The following CHRM3 variants were observed in gnomAD, a reference collection of about 807,000 sequenced individuals.
CHRM3 encodes the protein muscarinic acetylcholine receptor M3.
CHRM3 carries 11 observed loss-of-function variants against 41.8 expected under a neutral mutation model. That is an observed-to-expected ratio of 0.26 (90% CI 0.17 to 0.44). The LOEUF (loss-of-function observed/expected upper bound fraction) is 0.44, where lower values mean the gene tolerates loss of function less well. CHRM3 is among the 20% of genes least tolerant of loss of function. The pLI, the probability that CHRM3 is intolerant of heterozygous loss-of-function variation, is 1.00. For synonymous variants in CHRM3, 297 were observed against 301.4 expected (o/e 0.99, Z 0.15); for missense variants, 571 against 745.4 (o/e 0.77, Z 2.72).
intron 1 of CHRM3, among the ~76,000 whole-genome samples, chr1:239,476,757 T>A (rs2147974651): frequency 6.6e-6 from 1 of 152,334 alleles, no homozygotes; most frequent in South Asian, 2.1e-4. Flanking sequence ...TTTAAAAGCA[T>A]GTTGATGACA....
At chr1:239,609,170 A>C (rs944874926) in intron 3 of CHRM3, among the ~76,000 whole-genome samples, 1 of 152,160 alleles carries the variant, frequency 6.6e-6, no homozygotes, top group Non-Finnish European at 1.5e-5. Context: ...TCCCATCACC[A>C]GGCAACCATA....
In CHRM3 at chr1:239,909,217, C is replaced by T. The variant is rs201512973; in HGVS notation, c.1766C>T (p.Ala589Val). The change falls in exon 7 of 7, where the codon GCC (alanine) becomes GTC (valine). Residue 589 changes from alanine (A) to valine (V), a missense_variant. This residue lies in a region of CHRM3 where 44 missense variants were observed against 39.7 expected (regional missense o/e 1.11). Coordinates refer to ENST00000676153, the MANE Select transcript of CHRM3 (RefSeq NM_001375978.1). ...TTTCACAAGCGCGCACCCGAGCAGGCCTTGTAGAATGAGGTTGTATCAATA... is the reference window on the plus strand; with the variant it reads ...TTTCACAAGCGCGCACCCGAGCAGGTCTTGTAGAATGAGGTTGTATCAATA... ...VIFHKRAPEQ[A>V]L 6.2e-7 allele frequency: 1 copy of T among 1,602,198 alleles called. No homozygotes were observed. The highest frequency in any genetic ancestry group is 8.5e-7 in the Non-Finnish European group (1 of 1,174,972).
intron 1 of CHRM3, among the ~76,000 whole-genome samples, chr1:239,417,648 T>C (rs140148357): frequency 5.8e-4 from 88 of 150,792 alleles, no homozygotes; most frequent in South Asian, 5.2e-3. Context: ...TAGAGTATGA[T>C]TAGGTGTTCA....
At chr1:239,604,018 A>G (rs1433841614) in intron 3 of CHRM3, among the ~76,000 whole-genome samples, 1 of 152,198 alleles carries the variant, frequency 6.6e-6, no homozygotes, top group Non-Finnish European at 1.5e-5. Context: ...ATATATTAGT[A>G]AAAATGAAGG....
chr1:239,398,388 A>G (rs1659679602), intron 1 of CHRM3, among the ~76,000 whole-genome samples: 1 of 152,080 alleles, frequency 6.6e-6, no homozygotes, highest in African/African-American at 2.4e-5. Context: ...GGCGTGTGCC[A>G]CCACGCCTGG....
chr1:239,591,880 C>T (rs1296387839), intron 3 of CHRM3, among the ~76,000 whole-genome samples: 2 of 152,226 alleles, frequency 1.3e-5, no homozygotes, highest in East Asian at 3.9e-4. Flanking sequence ...TTTCTATGTC[C>T]TCAGGAGGGA....
chr1:239,563,444 TA>T (rs890867787), intron 3 of CHRM3, among the ~76,000 whole-genome samples: 10 of 152,054 alleles, frequency 6.6e-5, no homozygotes, highest in East Asian at 1.9e-4. Context: ...GGCTAAAGCT[TA>T]AAAAAAATGT....
At chr1:239,541,931 G>C (rs568018528) in intron 2 of CHRM3, among the ~76,000 whole-genome samples, 1 of 152,232 alleles carries the variant, frequency 6.6e-6, no homozygotes, top group South Asian at 2.1e-4. Flanking sequence ...CTAGCTGTCT[G>C]CAAATCACTC....
intron 1 of CHRM3, among the ~76,000 whole-genome samples, chr1:239,478,803 A>T (rs891989799): frequency 2.6e-5 from 4 of 152,198 alleles, no homozygotes; most frequent in African/African-American, 9.6e-5. Context: ...AGTCTCAATT[A>T]GTGTAATTAG....
At chr1:239,673,562 G>C (rs778616507) in intron 4 of CHRM3, among the ~76,000 whole-genome samples, 1 of 151,954 alleles carries the variant, frequency 6.6e-6, no homozygotes, top group East Asian at 1.9e-4. Context: ...TTCATTCAAC[G>C]TATATTTTAA....
chr1:239,793,844 C>G (rs1411960727), intron 5 of CHRM3, among the ~76,000 whole-genome samples: 4 of 108,714 alleles, frequency 3.7e-5, no homozygotes, highest in Admixed American at 1.3e-4. Flanking sequence ...TAAGATCTCA[C>G]TCTGTCAACC....
rs138579690 is a variant in CHRM3, at chr1:239,589,879, T to C, written c.-312-42345T>C. ...GAAGAACTTGTAAGTCCACAATAGA[T>C]GCATGATTTTAGAAACAAGATTATG... On this transcript the variant is annotated intron_variant, in intron 3 of 6. Coordinates refer to ENST00000676153, the MANE Select transcript of CHRM3 (RefSeq NM_001375978.1). 4.9e-3 allele frequency among the ~76,000 whole-genome samples: 745 copies of C among 152,002 alleles called. 4 individuals are homozygous for C. The highest frequency in any genetic ancestry group is 0.041 in the Middle Eastern group (12 of 294).
chr1:239,652,223 A>T (rs1253782627), intron 4 of CHRM3, among the ~76,000 whole-genome samples: 3 of 152,118 alleles, frequency 2.0e-5, no homozygotes, highest in Non-Finnish European at 4.4e-5. Context: ...TGTGTCCTGC[A>T]ACTCCCTAGC....
At chr1:239,850,307 C>A (rs1425271483) in intron 6 of CHRM3, among the ~76,000 whole-genome samples, 1 of 152,082 alleles carries the variant, frequency 6.6e-6, no homozygotes. Context: ...AGATCTTCAT[C>A]CTCATTGTTT....
intron 3 of CHRM3, among the ~76,000 whole-genome samples, chr1:239,615,539 G>A (rs1230653740): frequency 2.0e-5 from 3 of 152,108 alleles, no homozygotes; most frequent in African/African-American, 7.2e-5. Context: ...TTGTTCAACC[G>A]TAAACACAAG....
intron 6 of CHRM3, among the ~76,000 whole-genome samples, chr1:239,863,622 A>G (rs1172145881): frequency 1.4e-4 from 21 of 152,320 alleles, no homozygotes; most frequent in South Asian, 8.3e-4. Flanking sequence ...CAGGCTTAGA[A>G]GATTCCCAAG....
At chr1:239,434,811 G>A (rs1663106566) in intron 1 of CHRM3, among the ~76,000 whole-genome samples, 1 of 152,158 alleles carries the variant, frequency 6.6e-6, no homozygotes, top group Non-Finnish European at 1.5e-5. Flanking sequence ...AAAATAGGAG[G>A]GAGGGATTGA....
intron 1 of CHRM3, among the ~76,000 whole-genome samples, chr1:239,437,932 T>C (rs1368042418): frequency 6.6e-6 from 1 of 152,214 alleles, no homozygotes; most frequent in East Asian, 1.9e-4. Flanking sequence ...GGCCCTATTA[T>C]GTTCCTAACA....
chr1:239,821,603 T>C (rs1672056966), intron 5 of CHRM3, among the ~76,000 whole-genome samples: 1 of 152,126 alleles, frequency 6.6e-6, no homozygotes, highest in Non-Finnish European at 1.5e-5. Flanking sequence ...AAATGAACCC[T>C]CACCATGCAC....
Sources: allele counts gnomAD v4.1 joint callset (sites outside exome capture counted in the v4.1 genomes callset), GRCh38; gene constraint gnomAD v4.1.1; regional missense constraint gnomAD v4.1.1; transcripts MANE v1.5; gene names NCBI Gene and HGNC (gene_info 2026-07-23, HGNC 2026-07-21).